KCTD8: variants seen among roughly 807,000 people sequenced by gnomAD.
KCTD8 encodes the protein BTB/POZ domain-containing protein KCTD8.
In KCTD8, 27 loss-of-function variants were observed where a neutral mutation model predicts 31.5. The ratio of observed to expected loss-of-function variants is 0.86; its 90% CI spans 0.63 to 1.18. The LOEUF (loss-of-function observed/expected upper bound fraction) is 1.18. KCTD8 is among the 50% of genes most tolerant of loss of function. The probability of loss-of-function intolerance (pLI) is 0.00; values close to 1 mark genes in which losing one functional copy is unlikely to be tolerated. For synonymous variants in KCTD8, 290 were observed against 280.0 expected (o/e 1.04, Z -0.36); for missense variants, 658 against 647.7 (o/e 1.02, Z -0.17).
intron 1 of KCTD8, among the ~76,000 whole-genome samples, chr4:44,193,785 T>C (rs1713840221): frequency 6.6e-6 from 1 of 152,202 alleles, no homozygotes; most frequent in Admixed American, 6.5e-5. Flanking sequence ...GTTGTTGTTG[T>C]TGTTGTTTCA....
chr4:44,306,003 T>G (rs1717791582), intron 1 of KCTD8, among the ~76,000 whole-genome samples: 2 of 151,856 alleles, frequency 1.3e-5, no homozygotes, highest in African/African-American at 4.8e-5. Context: ...AGAAAATACT[T>G]AAAGTTCAAT....
intron 1 of KCTD8, among the ~76,000 whole-genome samples, chr4:44,350,592 A>G (rs1719170717): frequency 6.6e-6 from 1 of 152,008 alleles, no homozygotes; most frequent in East Asian, 1.9e-4. Context: ...CAAGCTAACA[A>G]CTCCAAAAAT....
intron 1 of KCTD8, among the ~76,000 whole-genome samples, chr4:44,264,056 T>G (rs1041704435): frequency 3.3e-5 from 5 of 152,226 alleles, no homozygotes; most frequent in African/African-American, 1.2e-4. Flanking sequence ...ATCTGTAAGA[T>G]TCACATAATA....
intron 1 of KCTD8, among the ~76,000 whole-genome samples, chr4:44,340,836 G>A (rs1175551823): frequency 6.6e-6 from 1 of 152,020 alleles, no homozygotes; most frequent in African/African-American, 2.4e-5. Context: ...CTTGGAGAAG[G>A]AGTTATGATG....
chr4:44,448,118 A>G lies in KCTD8; in HGVS notation c.406T>C (p.Tyr136His). The part of the protein sequence containing the change: ...EKERLLREAE[Y>H]FQLTDLVKLL... ...TTGACCAAGTCGGTGAGCTGGAAATACTCGGCCTCGCGCAGCAGCCGCTCC... is the reference window on the plus strand; with the variant it reads ...TTGACCAAGTCGGTGAGCTGGAAATGCTCGGCCTCGCGCAGCAGCCGCTCC... Residue 136 changes from tyrosine to histidine, a missense_variant, in exon 1 of 2, where the codon TAT becomes CAT. Tyr to His is a moderately conservative substitution (Grantham distance 83). Transcript: ENST00000360029. This position sits in a 1 kb window ranked among gnomAD's most constrained non-coding sequence, Gnocchi z 4.1. The G allele has an allele frequency of 6.2e-7, 1 of 1,611,308 alleles. No individual in the cohort carries two copies. The highest frequency in any genetic ancestry group is 8.5e-7 in the Non-Finnish European group (1 of 1,179,582).
chr4:44,212,036 A>T (rs190190249), intron 1 of KCTD8, among the ~76,000 whole-genome samples: 9 of 152,324 alleles, frequency 5.9e-5, no homozygotes, highest in Non-Finnish European at 1.3e-4. Context: ...ACAACATTAT[A>T]CACAGAGAAT....
intron 1 of KCTD8, among the ~76,000 whole-genome samples, chr4:44,263,199 A>G (rs1240841025): frequency 6.6e-6 from 1 of 152,142 alleles, no homozygotes. Flanking sequence ...CAGCAAGTTT[A>G]TGCCTAAAAA....
chr4:44,336,149 C>CAA lies in KCTD8; in HGVS notation c.961+111412_961+111413dup, dbSNP rs58161667. 9.5e-4 allele frequency among the ~76,000 whole-genome samples: 44 copies of CAA among 46,502 alleles called. 1 individual carries two copies. The highest frequency in any genetic ancestry group is 1.4e-3 in the African/African-American group (17 of 12,240). The allele number at this position is 46,502 out of a possible 152,430, so 30.5% of individuals were successfully genotyped here. A position where few individuals can be genotyped will look rare whatever the true frequency, so the allele number is the denominator to read the frequency against. Reference sequence around the variant, plus strand: ...TGGGCGACAGAGCGAGACTCCGTCTCAAAAAAAAAAAAAAAAAAAAAAAAA... The same window carrying CAA: ...TGGGCGACAGAGCGAGACTCCGTCTCAAAAAAAAAAAAAAAAAAAAAAAAAAA... On this transcript the variant is annotated intron_variant, in intron 1 of 1. Transcript: ENST00000360029.
At chr4:44,399,269 A>G (rs1720585752) in intron 1 of KCTD8, among the ~76,000 whole-genome samples, 1 of 152,182 alleles carries the variant, frequency 6.6e-6, no homozygotes, top group Non-Finnish European at 1.5e-5. Context: ...TGGGGGAGTG[A>G]AAAGTAACTG....
chr4:44,365,414 G>T (rs969576068), intron 1 of KCTD8, among the ~76,000 whole-genome samples: 2 of 152,040 alleles, frequency 1.3e-5, no homozygotes, highest in African/African-American at 4.8e-5. Flanking sequence ...TGTGTATAAA[G>T]AAAGGGTATG....
At position 44,174,797 on chromosome 4, in the gene KCTD8, C is replaced by A; in HGVS notation, c.1415G>T (p.Gly472Val). ...QWQSELLQKYGL is the reference protein window; with the variant it reads ...QWQSELLQKYVL ...GCAGGAATGTGACAATTACTATAAC[C>A]CATACTTCTGCAACAGTTCAGATTG... Residue 472 changes from glycine to valine, a missense_variant, in exon 2 of 2, where the codon GGG becomes GTG. Coordinates refer to ENST00000360029, the MANE Select transcript of KCTD8 (RefSeq NM_198353.3). 6.2e-7 allele frequency: 1 copy of A among 1,600,766 alleles called. No individual in the cohort carries two copies. Among genetic ancestry groups the A allele is most frequent in the Non-Finnish European group, 8.5e-7 (1 of 1,172,960 alleles).
intron 1 of KCTD8, among the ~76,000 whole-genome samples, chr4:44,416,337 T>C (rs558146048): frequency 2.0e-5 from 3 of 152,298 alleles, no homozygotes; most frequent in Admixed American, 6.5e-5. Context: ...GTTAGGACTT[T>C]GGACTTGATG....
At chr4:44,231,826 C>G (rs373446461) in intron 1 of KCTD8, among the ~76,000 whole-genome samples, 36 of 151,992 alleles carry the variant, frequency 2.4e-4, no homozygotes, top group African/African-American at 7.7e-4. Flanking sequence ...CTCCTTTTTT[C>G]TCTCTTTGAT....
intron 1 of KCTD8, among the ~76,000 whole-genome samples, chr4:44,292,197 A>G (rs1717300727): frequency 6.6e-6 from 1 of 152,150 alleles, no homozygotes. Flanking sequence ...TGCACTATTC[A>G]TAATTGTCAA....
chr4:44,447,695 C>A lies in KCTD8; in HGVS notation c.829G>T (p.Glu277Ter). ...SRFYLKFTYL[E>*]QAFDRLSEAG... ...TCGGACAGGCGATCAAAGGCCTGCT[C>A]CAAGTAGGTGAACTTGAGGTAGAAG... Residue 277 changes from glutamate (E) to a stop codon, truncating the protein, a stop_gained, in exon 1 of 2, where the codon GAG becomes TAG. Transcript: ENST00000360029. LOFTEE classifies it high-confidence loss of function. 6.2e-7 allele frequency: 1 copy of A among 1,612,534 alleles called. No homozygotes were observed. Among genetic ancestry groups the A allele is most frequent in the Middle Eastern group, 1.7e-4 (1 of 6,060 alleles).
At chr4:44,429,039 T>C (rs1483759623) in intron 1 of KCTD8, among the ~76,000 whole-genome samples, 1 of 151,598 alleles carries the variant, frequency 6.6e-6, no homozygotes, top group African/African-American at 2.4e-5. Context: ...CTGGGTGGCA[T>C]GGAGATGGTG....
chr4:44,299,913 G>A (rs1269096087), intron 1 of KCTD8, among the ~76,000 whole-genome samples: 1 of 151,514 alleles, frequency 6.6e-6, no homozygotes, highest in Non-Finnish European at 1.5e-5. Flanking sequence ...CACCACGCCC[G>A]GCTAATTTTT....
chr4:44,317,364 C>G (rs1186464386), intron 1 of KCTD8, among the ~76,000 whole-genome samples: 2 of 142,446 alleles, frequency 1.4e-5, no homozygotes, highest in African/African-American at 5.6e-5. Context: ...CTCAGCCTCC[C>G]GAGTAGCTGG....
chr4:44,358,727 C>A (rs1719416171), intron 1 of KCTD8, among the ~76,000 whole-genome samples: 2 of 152,088 alleles, frequency 1.3e-5, no homozygotes, highest in South Asian at 4.1e-4. Context: ...CACCACCACA[C>A]CCGGTTAATT....
Sources: gnomAD v4.1 joint callset for allele counts (sites outside exome capture counted in the v4.1 genomes callset) on GRCh38, gnomAD v4.1.1 for gene constraint, Gnocchi (gnomAD v3.1) non-coding constraint, MANE v1.5 for transcripts, NCBI Gene and HGNC (gene_info 2026-07-23, HGNC 2026-07-21) for gene names.